EXOC4: variants seen among roughly 807,000 people sequenced by gnomAD.
EXOC4 encodes the protein exocyst complex component 4, also known as SEC8-like 1.
In EXOC4, 71 loss-of-function variants were observed where a neutral mutation model predicts 107.2. The ratio of observed to expected loss-of-function variants is 0.66; its 90% CI spans 0.55 to 0.81. EXOC4 has a LOEUF of 0.81. Ranked by LOEUF, EXOC4 falls within the 30% of genes least tolerant of loss-of-function variation. The probability of loss-of-function intolerance (pLI) is 0.00; values close to 1 mark genes in which losing one functional copy is unlikely to be tolerated. For synonymous variants in EXOC4, 456 were observed against 441.2 expected, an observed-to-expected ratio of 1.03 and a Z score of -0.42; for missense variants, 1,108 against 1,189.6, an observed-to-expected ratio of 0.93 and a Z score of 1.01.
intron 17 of EXOC4, among the ~76,000 whole-genome samples, 169 bp from the exon 18 acceptor site, chr7:134,064,122 G>A (rs1245426935): frequency 2.0e-5 from 3 of 152,206 alleles, no homozygotes; most frequent in African/African-American, 7.2e-5. Flanking sequence ...AAAGGACAGA[G>A]CTTATGGTTG....
At chr7:133,510,514 G>A (rs1799749077) in intron 9 of EXOC4, among the ~76,000 whole-genome samples, 1 of 152,086 alleles carries the variant, frequency 6.6e-6, no homozygotes, top group Non-Finnish European at 1.5e-5. Flanking sequence ...CTAACTACTG[G>A]TCTCTAAAAC....
chr7:133,454,030 T>C (rs1007957911), intron 7 of EXOC4, among the ~76,000 whole-genome samples: 4 of 152,210 alleles, frequency 2.6e-5, no homozygotes, highest in Non-Finnish European at 4.4e-5. Context: ...CACTGGCATT[T>C]CAAGACAATT....
chr7:133,930,496 T>C (rs557825061), intron 13 of EXOC4: 2 of 152,160 alleles, frequency 1.3e-5, no homozygotes, highest in Admixed American at 1.3e-4. Flanking sequence ...TGCAGTTAGC[T>C]TTTTGCTTAG....
intron 10 of EXOC4, chr7:133,768,028 G>C (rs888244809): frequency 6.6e-6 from 1 of 152,002 alleles, no homozygotes; most frequent in African/African-American, 2.4e-5. Context: ...CATCTGAGAA[G>C]GCTTTCTTTG....
intron 9 of EXOC4, among the ~76,000 whole-genome samples, chr7:133,619,044 C>A (rs1219507104): frequency 6.6e-6 from 1 of 151,886 alleles, no homozygotes; most frequent in Admixed American, 6.6e-5. Flanking sequence ...TTGACTGTTG[C>A]CAGTTAAGCC....
At chr7:133,277,366 T>C (rs569740621) in intron 2 of EXOC4, among the ~76,000 whole-genome samples, 6 of 152,362 alleles carry the variant, frequency 3.9e-5, no homozygotes, top group Admixed American at 1.3e-4. Flanking sequence ...GACCTCATGG[T>C]ATTTGTATTT....
the EXOC4 span, among the ~76,000 whole-genome samples, chr7:134,082,798 T>A: frequency 6.6e-6 from 1 of 152,248 alleles, no homozygotes; most frequent in Non-Finnish European, 1.5e-5. Context: ...TGACCTCCTG[T>A]CTCATCCTGT....
chr7:133,936,597 G>A (rs542294045), intron 13 of EXOC4, among the ~76,000 whole-genome samples: 123 of 152,240 alleles, frequency 8.1e-4, no homozygotes, highest in Admixed American at 5.2e-3. Flanking sequence ...ACCCACCTGT[G>A]TGTAACTTTC....
chr7:133,523,633 C>T (rs531629913), intron 9 of EXOC4, among the ~76,000 whole-genome samples: 185 of 151,894 alleles, frequency 1.2e-3, no homozygotes, highest in African/African-American at 4.4e-3. Context: ...TGATGTTCCC[C>T]TTCCTGTGTA....
At chr7:133,671,674 A>C in intron 10 of EXOC4, among the ~76,000 whole-genome samples, 1 of 152,154 alleles carries the variant, frequency 6.6e-6, no homozygotes, top group East Asian at 1.9e-4. Flanking sequence ...TGTAATAATT[A>C]ATGGTAAGAG....
intron 14 of EXOC4, among the ~76,000 whole-genome samples, chr7:133,965,372 CT>C (rs1801040953): frequency 6.6e-6 from 1 of 152,148 alleles, no homozygotes; most frequent in South Asian, 2.1e-4. Flanking sequence ...GTTGCCATTG[CT>C]TTTGGTGTTT....
In EXOC4 at chr7:133,485,102, T is replaced by TAA. The variant is rs1563083535; in HGVS notation, c.1417+4966_1417+4967dup. 2.2e-5 allele frequency among the ~76,000 whole-genome samples: 3 copies of TAA among 133,370 alleles called. 1 individual carries two copies. The highest frequency in any genetic ancestry group is 8.9e-5 in the African/African-American group (3 of 33,628). 87.5% of individuals were successfully genotyped at this position (133,370 alleles called of 152,430 possible). On this transcript the variant is annotated intron_variant, in intron 9 of 17. Transcript: ENST00000253861. ...CTCAAAAAATAAATAAATAAATAAATAAATAAATAAATAAATAATTAAATA... is the reference window on the plus strand; with the variant it reads ...CTCAAAAAATAAATAAATAAATAAATAAAAATAAATAAATAAATAATTAAATA...
chr7:133,560,989 A>G (rs1800793831), intron 9 of EXOC4, among the ~76,000 whole-genome samples: 1 of 152,100 alleles, frequency 6.6e-6, no homozygotes, highest in Non-Finnish European at 1.5e-5. Context: ...AGTAAAGTCA[A>G]AGATGATTCT....
chr7:133,786,752 A>G (rs565729929), intron 10 of EXOC4, among the ~76,000 whole-genome samples: 271 of 152,306 alleles, frequency 1.8e-3, no homozygotes, highest in African/African-American at 6.2e-3. Flanking sequence ...GTAAGATCCA[A>G]CAGTGATGAT....
At chr7:133,788,415 C>G (rs1468760885) in intron 10 of EXOC4, among the ~76,000 whole-genome samples, 1 of 151,910 alleles carries the variant, frequency 6.6e-6, no homozygotes, top group Non-Finnish European at 1.5e-5. Flanking sequence ...ACTACTCCTC[C>G]TATTGTCTTG....
chr7:133,835,881 T>C (rs1228229015), intron 11 of EXOC4, among the ~76,000 whole-genome samples: 1 of 152,214 alleles, frequency 6.6e-6, no homozygotes, highest in Non-Finnish European at 1.5e-5. Flanking sequence ...AAAACCAAGC[T>C]AACTGGCTCA....
At chr7:133,733,301 T>C (rs1026198654) in intron 10 of EXOC4, 1 of 152,326 alleles carries the variant, frequency 6.6e-6, no homozygotes, top group Non-Finnish European at 1.5e-5. Context: ...AAGACCATCC[T>C]GGCCAACATG....
chr7:133,915,098 A>G (rs1799776597), intron 12 of EXOC4, among the ~76,000 whole-genome samples: 1 of 152,204 alleles, frequency 6.6e-6, no homozygotes, highest in African/African-American at 2.4e-5. Flanking sequence ...GATGGGTTAA[A>G]TCGTAAAGTA....
At chr7:133,733,621 A>G (rs1795375919) in intron 10 of EXOC4, 1 of 152,272 alleles carries the variant, frequency 6.6e-6, no homozygotes, top group Admixed American at 6.5e-5. Context: ...GCCAAAAGGA[A>G]AGAAAGTGCC....
Sources: allele counts gnomAD v4.1 joint callset (sites outside exome capture counted in the v4.1 genomes callset), GRCh38; gene constraint gnomAD v4.1.1; transcripts MANE v1.5; gene names NCBI Gene and HGNC (gene_info 2026-07-23, HGNC 2026-07-21).